FRAS1: variants seen among roughly 807,000 people sequenced by gnomAD.
FRAS1 encodes the protein Fraser extracellular matrix complex subunit 1.
Under a neutral mutation model 435.2 loss-of-function variants are expected in FRAS1, and 290 were observed. That is an observed-to-expected ratio of 0.67 (90% CI 0.61 to 0.73). FRAS1 has a LOEUF of 0.73. Ranked by LOEUF, FRAS1 falls within the 30% of genes least tolerant of loss-of-function variation. FRAS1 has a pLI of 0.00. For synonymous variants in FRAS1, 1,800 were observed against 1,851.0 expected (o/e 0.97, Z 0.71); for missense variants, 4,860 against 5,001.5 (o/e 0.97, Z 0.85).
chr4:78,459,209 T>C lies in FRAS1; in HGVS notation c.6764-4812T>C, dbSNP rs143322286. On this transcript the variant is annotated intron_variant, in intron 47 of 73. Coordinates refer to ENST00000512123, the MANE Select transcript of FRAS1 (RefSeq NM_025074.7). Reference sequence around the variant, plus strand: ...ATTTACAGGCTGAGTTGTAATTACATGTATATGGTACTTGTCATGTTAGAA... The same window carrying C: ...ATTTACAGGCTGAGTTGTAATTACACGTATATGGTACTTGTCATGTTAGAA... Among the ~76,000 whole-genome samples the C allele has an allele frequency of 3.4e-3, 518 of 152,358 alleles. 6 individuals carry two copies. Among genetic ancestry groups the C allele is most frequent in the African/African-American group, 0.012 (480 of 41,582 alleles).
chr4:78,512,912 A>G (rs971576110), intron 64 of FRAS1, among the ~76,000 whole-genome samples: 2 of 152,192 alleles, frequency 1.3e-5, no homozygotes, highest in African/African-American at 2.4e-5. Context: ...TTGGCTGGGT[A>G]GAGGAATTGG....
At chr4:78,180,692 T>A (rs1721961154) in intron 2 of FRAS1, among the ~76,000 whole-genome samples, 1 of 152,232 alleles carries the variant, frequency 6.6e-6, no homozygotes. Flanking sequence ...ATTTGTTACT[T>A]CTGTGTAGCG....
intron 2 of FRAS1, chr4:78,071,706 A>AT (rs1189066010): frequency 2.6e-5 from 4 of 152,194 alleles, no homozygotes; most frequent in Admixed American, 6.5e-5. Flanking sequence ...GAGGAACTGA[A>AT]TTTTAAATTT....
chr4:78,242,844 A>G (rs1331631631), intron 3 of FRAS1, among the ~76,000 whole-genome samples: 2 of 152,248 alleles, frequency 1.3e-5, no homozygotes, highest in Non-Finnish European at 2.9e-5. Flanking sequence ...GGCAATGCTG[A>G]AAGACATATT....
chr4:78,236,858 C>T (rs890214528), intron 2 of FRAS1, among the ~76,000 whole-genome samples: 7 of 152,088 alleles, frequency 4.6e-5, no homozygotes, highest in African/African-American at 1.7e-4. Flanking sequence ...TTATTTAATT[C>T]TCTCATGTTC....
At chr4:78,088,381 G>T (rs954856541) in intron 2 of FRAS1, among the ~76,000 whole-genome samples, 1 of 152,142 alleles carries the variant, frequency 6.6e-6, no homozygotes, top group Non-Finnish European at 1.5e-5. Flanking sequence ...AGGACTTCAT[G>T]TCTAAAACAC....
intron 2 of FRAS1, among the ~76,000 whole-genome samples, chr4:78,116,820 G>A (rs943780697): frequency 1.3e-5 from 2 of 152,164 alleles, no homozygotes; most frequent in Admixed American, 1.3e-4. Context: ...GGAGCACTTA[G>A]CCCATTTACA....
intron 60 of FRAS1, among the ~76,000 whole-genome samples, chr4:78,499,061 G>A (rs947575879): frequency 6.6e-6 from 1 of 152,094 alleles, no homozygotes; most frequent in African/African-American, 2.4e-5. Flanking sequence ...TGCCCAGGTT[G>A]AATATATTAT....
At chr4:78,220,227 T>C (rs1401560450) in intron 2 of FRAS1, among the ~76,000 whole-genome samples, 1 of 152,250 alleles carries the variant, frequency 6.6e-6, no homozygotes, top group Non-Finnish European at 1.5e-5. Context: ...TAGACGTTCA[T>C]GGACTATAGC....
intron 48 of FRAS1, 85 bp downstream of exon 48, chr4:78,464,230 G>T: frequency 6.7e-7 from 1 of 1,490,952 alleles, no homozygotes; most frequent in Non-Finnish European, 9.0e-7. Flanking sequence ...TGACTGGTGA[G>T]AGAAGAGCTT....
intron 2 of FRAS1, among the ~76,000 whole-genome samples, chr4:78,101,279 G>A (rs10213063): frequency 0.22 from 32,923 of 151,994 alleles, 3,889 homozygotes; most frequent in Admixed American, 0.29. Context: ...ATTGGTGGCA[G>A]TCTTCGGATT....
chr4:78,268,080 A>G (rs6855248), intron 9 of FRAS1, among the ~76,000 whole-genome samples: 4,752 of 151,914 alleles, frequency 0.031, 254 homozygotes, highest in African/African-American at 0.11. Flanking sequence ...TTTGAACTTG[A>G]TTTTGACCCA....
At chr4:78,072,402 T>C (rs1405991549) in intron 2 of FRAS1, among the ~76,000 whole-genome samples, 2 of 152,206 alleles carry the variant, frequency 1.3e-5, no homozygotes, top group Admixed American at 1.3e-4. Context: ...CTTGTATTCA[T>C]CAACGTGCTC....
At chr4:78,329,374 A>T (rs1729847893) in intron 18 of FRAS1, among the ~76,000 whole-genome samples, 1 of 152,228 alleles carries the variant, frequency 6.6e-6, no homozygotes, top group Non-Finnish European at 1.5e-5. Context: ...GAAGTGCTAC[A>T]GCGAATTCTA....
intron 58 of FRAS1, 74 bp from the exon 59 acceptor site, chr4:78,488,801 G>T: frequency 2.9e-6 from 4 of 1,389,478 alleles, no homozygotes; most frequent in Admixed American, 2.0e-5. Context: ...GCTGCTGAAG[G>T]CTGACAAGGA....
intron 2 of FRAS1, among the ~76,000 whole-genome samples, chr4:78,093,519 A>G (rs1741637874): frequency 6.6e-6 from 1 of 152,252 alleles, no homozygotes; most frequent in Non-Finnish European, 1.5e-5. Flanking sequence ...TCAGAAGAGC[A>G]GAAGATTTAG....
Position 78,187,269 on chromosome 4 carries a change from G to A in FRAS1, c.109-50241G>A, listed in dbSNP as rs544441727. ...CCCATGGAGTGATGAAAGGGGAGAG[G>A]GCCCTTAGCTTTGTCCTCATCAGCT... On this transcript the variant is annotated intron_variant, in intron 2 of 73. Transcript: ENST00000512123. Among the ~76,000 whole-genome samples, 8 of 152,216 alleles carry A rather than the reference G, an allele frequency of 5.3e-5. No individual in the cohort carries two copies. In the South Asian group the frequency reaches 1.2e-3, roughly 24 times the overall value.
intron 25 of FRAS1, 129 bp from the exon 26 acceptor site, chr4:78,375,609 GT>G: frequency 1.4e-6 from 1 of 705,292 alleles, no homozygotes; most frequent in Non-Finnish European, 2.3e-6. Context: ...GAAACTGTCA[GT>G]ATTCTCTTTT....
At position 78,387,712 on chromosome 4, in the gene FRAS1, T is replaced by G. The variant is rs1732274900; in HGVS notation, c.3975+11T>G. ...AAGACCGTGCCTCAGGTAGGTGTCATTCCTAGAGTTACAGTTTCTTTGCAC... is the reference window on the plus strand; with the variant it reads ...AAGACCGTGCCTCAGGTAGGTGTCAGTCCTAGAGTTACAGTTTCTTTGCAC... On this transcript the variant is annotated intron_variant, in intron 29 of 73. Coordinates refer to ENST00000512123, the MANE Select transcript of FRAS1 (RefSeq NM_025074.7). 6.7e-7 allele frequency: 1 copy of G among 1,483,262 alleles called. No individual in the cohort carries two copies. 91.9% of individuals were successfully genotyped at this position (1,483,262 alleles called of 1,614,324 possible).
Sources: gnomAD v4.1 joint callset for allele counts (sites outside exome capture counted in the v4.1 genomes callset) on GRCh38, gnomAD v4.1.1 for gene constraint, MANE v1.5 for transcripts, NCBI Gene and HGNC (gene_info 2026-07-23, HGNC 2026-07-21) for gene names.